The following DOCK3 variants were observed in gnomAD, a reference collection of about 807,000 sequenced individuals.
DOCK3 encodes dedicator of cytokinesis 3, also known as dedicator of cytokinesis protein 3.
A neutral mutation model predicts 265.6 loss-of-function variants in DOCK3; 60 were observed. That is an observed-to-expected ratio of 0.23 (90% CI 0.18 to 0.28). The LOEUF is 0.28. Among genes scored for constraint, DOCK3 ranks in the 10% least tolerant of loss-of-function variants. The pLI, the probability that DOCK3 is intolerant of heterozygous loss-of-function variation, is 1.00. For missense variants in DOCK3, 1,981 were observed against 2,594.3 expected (o/e 0.76, Z 5.14); for synonymous variants, 881 against 938.0 (o/e 0.94, Z 1.11).
At chr3:51,239,566 G>GTTTTTTTTTTTTTTTT (rs748598302) in intron 21 of DOCK3, among the ~76,000 whole-genome samples, 44 of 118,828 alleles carry the variant, frequency 3.7e-4, no homozygotes, top group South Asian at 6.3e-4. Context: ...TTTTTTTTTT[G>GTTTTTTTTTTTTTTTT]TTTGTTTGTT....
chr3:51,334,462 G>A (rs764905592), intron 35 of DOCK3, among the ~76,000 whole-genome samples: 1 of 152,204 alleles, frequency 6.6e-6, no homozygotes, highest in Non-Finnish European at 1.5e-5. Flanking sequence ...AGAAGATGCT[G>A]CTATGCAAAA....
chr3:51,241,942 C>G (rs1040350498), intron 21 of DOCK3, among the ~76,000 whole-genome samples: 3 of 152,184 alleles, frequency 2.0e-5, no homozygotes, highest in Non-Finnish European at 4.4e-5. Flanking sequence ...CCCTCTCAGC[C>G]CAGTTCAGAA....
At chr3:51,354,783 C>T (rs1393749842) in intron 40 of DOCK3, 99 bp from the exon 41 acceptor site, 2 of 1,521,058 alleles carry the variant, frequency 1.3e-6, no homozygotes, top group African/African-American at 2.7e-5. Context: ...GAGAAGGCTC[C>T]TAAGATATGT....
At chr3:51,201,486 T>C (rs1374506022) in intron 12 of DOCK3, among the ~76,000 whole-genome samples, 1 of 152,154 alleles carries the variant, frequency 6.6e-6, no homozygotes, top group Non-Finnish European at 1.5e-5. Context: ...CCTAAATATA[T>C]ATGCACCCAA....
intron 5 of DOCK3, among the ~76,000 whole-genome samples, chr3:50,967,630 T>C (rs1374015020): frequency 1.3e-5 from 2 of 152,166 alleles, no homozygotes; most frequent in Admixed American, 6.5e-5. Context: ...TCAGGAAACT[T>C]ACAATCATGG....
intron 4 of DOCK3, among the ~76,000 whole-genome samples, chr3:50,898,435 G>A (rs1014444440): frequency 6.6e-6 from 1 of 152,014 alleles, no homozygotes; most frequent in African/African-American, 2.4e-5. Context: ...ACCAGTTCCT[G>A]GATTTATTGA....
intron 3 of DOCK3, among the ~76,000 whole-genome samples, chr3:50,851,834 G>A (rs1257060132): frequency 1.3e-5 from 2 of 152,190 alleles, no homozygotes; most frequent in Admixed American, 1.3e-4. Flanking sequence ...CTGATCTCTG[G>A]TTCAAGACTA....
At chr3:51,264,133 C>T (rs1378475358) in intron 23 of DOCK3, among the ~76,000 whole-genome samples, 1 of 152,224 alleles carries the variant, frequency 6.6e-6, no homozygotes, top group Non-Finnish European at 1.5e-5. Flanking sequence ...CCACATTGCA[C>T]ATATTCTAAA....
chr3:50,897,670 A>G (rs2048967772), intron 4 of DOCK3, among the ~76,000 whole-genome samples: 1 of 149,968 alleles, frequency 6.7e-6, no homozygotes, highest in African/African-American at 2.5e-5. Context: ...TAGTTTATTG[A>G]GTGTTTTTAG....
intron 9 of DOCK3, among the ~76,000 whole-genome samples, chr3:51,095,851 C>CAAAAA (rs71278627): frequency 0.077 from 758 of 9,800 alleles, 277 homozygotes; most frequent in Non-Finnish European, 0.096. Context: ...ATAAGGTTAG[C>CAAAAA]AAAAAAAAAA....
intron 3 of DOCK3, among the ~76,000 whole-genome samples, chr3:50,844,511 G>A (rs948407412): frequency 4.6e-5 from 7 of 152,070 alleles, no homozygotes; most frequent in Non-Finnish European, 1.0e-4. Flanking sequence ...ATGAGCCACC[G>A]TGCCTGGCCA....
At chr3:50,945,879 A>T (rs1486146463) in intron 5 of DOCK3, among the ~76,000 whole-genome samples, 1 of 152,026 alleles carries the variant, frequency 6.6e-6, no homozygotes, top group Non-Finnish European at 1.5e-5. Flanking sequence ...CTTTAGCTTC[A>T]CTGTAGGGGA....
intron 38 of DOCK3, among the ~76,000 whole-genome samples, chr3:51,343,740 G>T (rs957071058): frequency 4.6e-5 from 7 of 152,322 alleles, no homozygotes; most frequent in African/African-American, 1.7e-4. Flanking sequence ...GCTGGCACAT[G>T]CTCTCTGGTG....
chr3:51,179,675 A>AG (rs977708422), intron 12 of DOCK3, among the ~76,000 whole-genome samples: 1 of 152,128 alleles, frequency 6.6e-6, no homozygotes, highest in Admixed American at 6.5e-5. Flanking sequence ...TGGGAAGCCA[A>AG]GGGGGCAGGA....
intron 27 of DOCK3, among the ~76,000 whole-genome samples, chr3:51,304,072 T>C (rs560265479): frequency 6.6e-6 from 1 of 152,182 alleles, no homozygotes; most frequent in East Asian, 1.9e-4. Flanking sequence ...AGCCCCTCAG[T>C]CCCAGGGAGA....
At chr3:51,163,037 A>G (rs2086212373) in intron 12 of DOCK3, among the ~76,000 whole-genome samples, 1 of 152,328 alleles carries the variant, frequency 6.6e-6, no homozygotes, top group Non-Finnish European at 1.5e-5. Flanking sequence ...AGTCATTTTA[A>G]TCCACATCAG....
At chr3:51,257,725 T>C (rs1340902414) in intron 22 of DOCK3, among the ~76,000 whole-genome samples, 1 of 152,220 alleles carries the variant, frequency 6.6e-6, no homozygotes, top group African/African-American at 2.4e-5. Flanking sequence ...TAAACAAAAA[T>C]GGACAGGGCA....
At chr3:51,027,788 A>G (rs2079882642) in intron 5 of DOCK3, among the ~76,000 whole-genome samples, 1 of 151,636 alleles carries the variant, frequency 6.6e-6, no homozygotes. Context: ...TTTCATTTGC[A>G]TGATCTTTAT....
At chr3:51,173,194 C>A (rs1472094728) in intron 12 of DOCK3, among the ~76,000 whole-genome samples, 2 of 152,196 alleles carry the variant, frequency 1.3e-5, no homozygotes, top group Non-Finnish European at 2.9e-5. Context: ...AATCGTGGCT[C>A]ACTGAAGCCT....
Sources: gnomAD v4.1 joint callset for allele counts (sites outside exome capture counted in the v4.1 genomes callset) on GRCh38, gnomAD v4.1.1 for gene constraint, MANE v1.5 for transcripts, NCBI Gene and HGNC (gene_info 2026-07-23, HGNC 2026-07-21) for gene names.